PALM2AKAP2: variants seen among roughly 807,000 people sequenced by gnomAD.
The protein encoded by PALM2AKAP2 is PALM2-AKAP2 fusion protein.
Under a neutral mutation model 71.5 loss-of-function variants are expected in PALM2AKAP2, and 37 were observed. That is an observed-to-expected ratio of 0.52 (90% CI 0.40 to 0.68). The LOEUF is 0.68. Ranked by LOEUF, PALM2AKAP2 falls within the 30% of genes least tolerant of loss-of-function variation. The pLI is 0.00. For missense variants in PALM2AKAP2, 1,224 were observed against 1,191.8 expected, an observed-to-expected ratio of 1.03 and a Z score of -0.40; for synonymous variants, 468 against 478.8, an observed-to-expected ratio of 0.98 and a Z score of 0.29.
intron 6 of PALM2AKAP2, among the ~76,000 whole-genome samples, chr9:109,941,971 T>C (rs1382766084): frequency 6.6e-6 from 1 of 152,186 alleles, no homozygotes; most frequent in Non-Finnish European, 1.5e-5. Flanking sequence ...AAAGGTATTG[T>C]GGGCAGCAGG....
At position 110,048,802 on chromosome 9, in the gene PALM2AKAP2, CGCTGGACTGGA is replaced by C. The variant is rs1250298141; in HGVS notation, c.106_116del (p.Trp36ArgfsTer20). On this transcript the variant is annotated frameshift_variant, in exon 1 of 4. Transcript: ENST00000374525. LOFTEE classifies it high-confidence loss of function. ...GGAGCGGGAGGCAGCGGCCGCGCGG[CGCTGGACTGGA>C]GCAGAACCCCAGGACTGCGCCCCCG... 11 of 1,534,156 alleles carry C rather than the reference CGCTGGACTGGA, an allele frequency of 7.2e-6. No homozygotes were observed. The highest frequency in any genetic ancestry group is 7.9e-6 in the Non-Finnish European group (9 of 1,146,330).
chr9:109,998,764 C>CAAAAA (rs766171217), intron 6 of PALM2AKAP2, among the ~76,000 whole-genome samples: 1 of 70,808 alleles, frequency 1.4e-5, no homozygotes, highest in African/African-American at 5.6e-5. Context: ...GACCCTGTCG[C>CAAAAA]AAAAAAAAAA....
intron 1 of PALM2AKAP2, among the ~76,000 whole-genome samples, chr9:109,651,134 CCT>C (rs1208431246): frequency 2.0e-5 from 3 of 152,136 alleles, no homozygotes; most frequent in Non-Finnish European, 4.4e-5. Context: ...CCTCAGCTTG[CCT>C]CTCTTACTCT....
chr9:109,864,777 C>CCTA (rs1829404469), intron 1 of PALM2AKAP2, among the ~76,000 whole-genome samples: 2 of 152,150 alleles, frequency 1.3e-5, no homozygotes, highest in Non-Finnish European at 2.9e-5. Flanking sequence ...GTGTATCAGC[C>CCTA]CCTATTAATC....
intron 1 of PALM2AKAP2, among the ~76,000 whole-genome samples, chr9:109,711,198 G>A (rs979835162): frequency 2.0e-5 from 3 of 152,146 alleles, no homozygotes; most frequent in African/African-American, 7.2e-5. Context: ...TAGTAGCCTG[G>A]TAGTAGCCTT....
At chr9:109,712,853 A>T (rs544527093) in intron 1 of PALM2AKAP2, among the ~76,000 whole-genome samples, 1 of 152,336 alleles carries the variant, frequency 6.6e-6, no homozygotes, top group South Asian at 2.1e-4. Context: ...GTCTATTTCC[A>T]CTGTTAGACC....
At chr9:110,065,371 G>A (rs1271874322) in intron 1 of PALM2AKAP2, among the ~76,000 whole-genome samples, 1 of 152,118 alleles carries the variant, frequency 6.6e-6, no homozygotes, top group Non-Finnish European at 1.5e-5. Context: ...TGGGACCACA[G>A]GTGTGCACCA....
intron 1 of PALM2AKAP2, among the ~76,000 whole-genome samples, chr9:109,667,028 G>A (rs529777274): frequency 5.9e-5 from 9 of 152,268 alleles, no homozygotes; most frequent in African/African-American, 2.2e-4. Context: ...AGACAGAAGC[G>A]AAGGCAACTG....
At chr9:110,153,587 GT>G (rs1164348116) in intron 2 of PALM2AKAP2, among the ~76,000 whole-genome samples, 2 of 152,178 alleles carry the variant, frequency 1.3e-5, no homozygotes, top group Non-Finnish European at 2.9e-5. Flanking sequence ...TTTACTTGTG[GT>G]TGTTATATAT....
chr9:109,843,140 C>CAA (rs60510582), intron 1 of PALM2AKAP2, among the ~76,000 whole-genome samples: 1 of 62,826 alleles, frequency 1.6e-5, no homozygotes, highest in African/African-American at 7.4e-5. Context: ...AACTCGGTCT[C>CAA]AAAAAAAAAA....
rs1195448574 is a variant in PALM2AKAP2, at chr9:110,085,909, C to T, written c.156+37054C>T. On this transcript the variant is annotated intron_variant, in intron 1 of 3. Transcript: ENST00000374525. ...ATCACCTGAGGTCAGGAGTTTGAGG[C>T]CAGACTGGCCAAAATGTTGAAACCC... is the stretch of plus-strand genomic sequence containing the variant. Among the ~76,000 whole-genome samples, 6 of 152,194 alleles carry T rather than the reference C, an allele frequency of 3.9e-5. No individual in the cohort carries two copies. The East Asian group carries it at 1.2e-3, about 29-fold the overall frequency.
chr9:110,098,088 T>G (rs980560076), intron 1 of PALM2AKAP2, among the ~76,000 whole-genome samples: 1 of 142,134 alleles, frequency 7.0e-6, no homozygotes, highest in African/African-American at 2.9e-5. Context: ...GCAGGGAGGT[T>G]GCAGTGAGCC....
intron 3 of PALM2AKAP2, among the ~76,000 whole-genome samples, chr9:109,918,081 G>T (rs1830737114): frequency 6.6e-6 from 1 of 152,046 alleles, no homozygotes; most frequent in Non-Finnish European, 1.5e-5. Context: ...GCTATTTTTG[G>T]TTTGTATTGT....
chr9:110,083,582 G>GT (rs1026267625), intron 1 of PALM2AKAP2, among the ~76,000 whole-genome samples: 19 of 151,344 alleles, frequency 1.3e-4, no homozygotes, highest in South Asian at 4.3e-4. Context: ...GGTTTGGTTT[G>GT]TTTTTTTTCC....
intron 7 of PALM2AKAP2, among the ~76,000 whole-genome samples, chr9:110,017,814 G>T (rs1833007236): frequency 1.3e-5 from 2 of 150,522 alleles, no homozygotes; most frequent in Non-Finnish European, 2.9e-5. Context: ...TGCAACATCC[G>T]CCTCCTGGGT....
intron 1 of PALM2AKAP2, among the ~76,000 whole-genome samples, chr9:110,108,209 G>A (rs1005868332): frequency 9.4e-5 from 14 of 149,408 alleles, no homozygotes; most frequent in East Asian, 6.0e-4. Context: ...TCTGCCTCCC[G>A]GGTTCAAGTG....
At chr9:109,817,563 A>C (rs1288730356) in intron 1 of PALM2AKAP2, among the ~76,000 whole-genome samples, 1 of 152,214 alleles carries the variant, frequency 6.6e-6, no homozygotes, top group Non-Finnish European at 1.5e-5. Flanking sequence ...TGCAGTGGAA[A>C]TCTGCCTCTC....
chr9:109,728,413 C>T (rs181888283), intron 1 of PALM2AKAP2, among the ~76,000 whole-genome samples: 155 of 152,308 alleles, frequency 1.0e-3, no homozygotes, highest in Non-Finnish European at 6.3e-4. Flanking sequence ...CTTGCTCCTA[C>T]TTCCAGGTGG....
At chr9:109,827,759 G>A (rs893416381) in intron 1 of PALM2AKAP2, among the ~76,000 whole-genome samples, 1 of 151,966 alleles carries the variant, frequency 6.6e-6, no homozygotes. Context: ...CGGACAAAAG[G>A]AAACAGGATT....
Sources: allele counts gnomAD v4.1 joint callset (sites outside exome capture counted in the v4.1 genomes callset), GRCh38; gene constraint gnomAD v4.1.1; transcripts MANE v1.5; gene names NCBI Gene and HGNC (gene_info 2026-07-23, HGNC 2026-07-21).